The following NOTCH2NLC variants were observed in gnomAD, a reference collection of about 807,000 sequenced individuals.
The protein encoded by NOTCH2NLC is notch homolog 2 N-terminal-like protein C.
In NOTCH2NLC, 4 loss-of-function variants were observed where a neutral mutation model predicts 17.7. The observed-to-expected ratio is 0.23, with a 90% CI of 0.11 to 0.52. The LOEUF (loss-of-function observed/expected upper bound fraction) is 0.52. NOTCH2NLC is among the 20% of genes least tolerant of loss of function. NOTCH2NLC has a pLI of 0.96. For synonymous variants in NOTCH2NLC, 18 were observed against 86.0 expected, an observed-to-expected ratio of 0.21 and a Z score of 4.38; for missense variants, 57 against 207.2, an observed-to-expected ratio of 0.28 and a Z score of 4.45.
rs1370372154 is a variant in NOTCH2NLC at position 149,423,238 on chromosome 1, C to CT, written c.136-7696dup. 1.2e-4 allele frequency among the ~76,000 whole-genome samples: 18 copies of CT among 148,800 alleles called. 2 individuals are homozygous for CT. The highest frequency in any genetic ancestry group is 2.2e-4 in the Non-Finnish European group (15 of 67,018). ...AACAAAATCGATTTATCTCTTATTGCTTTTTTTTGGGTTTTTTTTTTCCTT... is the reference window on the plus strand; with the variant it reads ...AACAAAATCGATTTATCTCTTATTGCTTTTTTTTTGGGTTTTTTTTTTCCTT... On this transcript the variant is annotated intron_variant, in intron 1 of 4. Transcript: ENST00000650865.
At chr1:149,399,803 GTTAAGGAAAA>G (rs1168168711) in intron 1 of NOTCH2NLC, among the ~76,000 whole-genome samples, 1 of 143,526 alleles carries the variant, frequency 7.0e-6, no homozygotes, top group Non-Finnish European at 1.5e-5. Context: ...TTCTAAGAGA[GTTAAGGAAAA>G]TAGTTGTAAC....
rs1214116583 is a variant in NOTCH2NLC at position 149,433,510 on chromosome 1, T to C, written c.209+2495T>C. 6.7e-5 allele frequency among the ~76,000 whole-genome samples: 10 copies of C among 149,924 alleles called. No homozygotes were observed. In the East Asian group the frequency reaches 2.0e-3, roughly 30 times the overall value. ...TGGTAATACCATACAGAGAGGCAAA[T>C]TGGTTCTATTTGAAGATCATTCAAC... On this transcript the variant is annotated intron_variant, in intron 2 of 4. Coordinates refer to ENST00000650865, the MANE Select transcript of NOTCH2NLC (RefSeq NM_001364013.2).
At chr1:149,423,210 GAAAAC>G (rs2084387071) in intron 1 of NOTCH2NLC, among the ~76,000 whole-genome samples, 1 of 147,472 alleles carries the variant, frequency 6.8e-6, no homozygotes, top group Non-Finnish European at 1.5e-5. Flanking sequence ...ACACTATTAG[GAAAAC>G]AAAATCGATT....
At chr1:149,402,441 T>C in intron 1 of NOTCH2NLC, among the ~76,000 whole-genome samples, 1 of 133,010 alleles carries the variant, frequency 7.5e-6, no homozygotes. Context: ...TTATTATGTG[T>C]CTGTCATTCT....
At chr1:149,393,069 CAAAAAAAAA>C (rs1158506660) in intron 1 of NOTCH2NLC, among the ~76,000 whole-genome samples, 6 of 43,070 alleles carry the variant, frequency 1.4e-4, no homozygotes, top group East Asian at 4.3e-4. Context: ...GACTCCGTCT[CAAAAAAAAA>C]AAAAAAAAAA....
At chr1:149,460,608 A>T (rs2084638492) in intron 3 of NOTCH2NLC, among the ~76,000 whole-genome samples, 1 of 149,926 alleles carries the variant, frequency 6.7e-6, no homozygotes, top group African/African-American at 2.4e-5. Flanking sequence ...AAGTGCTGGG[A>T]TTACAGGTGT....
intron 1 of NOTCH2NLC, among the ~76,000 whole-genome samples, chr1:149,429,633 T>A (rs2084432716): frequency 6.6e-6 from 1 of 151,402 alleles, no homozygotes; most frequent in Non-Finnish European, 1.5e-5. Flanking sequence ...GGATGCATTT[T>A]CTGTAAACAT....
intron 2 of NOTCH2NLC, among the ~76,000 whole-genome samples, chr1:149,444,930 A>G (rs1451177625): frequency 6.7e-6 from 1 of 150,306 alleles, no homozygotes; most frequent in African/African-American, 2.5e-5. Context: ...TGAGTAAGCT[A>G]TAGTATTTCC....
chr1:149,437,869 T>C (rs1378130938), intron 2 of NOTCH2NLC, among the ~76,000 whole-genome samples: 1 of 146,674 alleles, frequency 6.8e-6, no homozygotes, highest in African/African-American at 2.5e-5. Flanking sequence ...CTAACATTAT[T>C]GCATATTAGG....
chr1:149,460,222 C>T (rs1180776552), intron 3 of NOTCH2NLC, among the ~76,000 whole-genome samples: 1 of 147,104 alleles, frequency 6.8e-6, no homozygotes, highest in Non-Finnish European at 1.5e-5. Context: ...TATTTTAATT[C>T]TGGCTAGTGG....
In NOTCH2NLC at chr1:149,414,445, T is replaced by C. The variant is rs1395281320; in HGVS notation, c.136-16497T>C. ...GTTTCTTTGCATTTTTCTGGCATAC[T>C]GTATACTCTTGAGCGCATATGTATC... On this transcript the variant is annotated intron_variant, in intron 1 of 4. Coordinates refer to ENST00000650865, the MANE Select transcript of NOTCH2NLC (RefSeq NM_001364013.2). Among the ~76,000 whole-genome samples, 34 of 150,494 alleles carry C rather than the reference T, an allele frequency of 2.3e-4. 3 individuals carry two copies. The highest frequency in any genetic ancestry group is 2.1e-4 in the Non-Finnish European group (14 of 67,358).
rs1201888921 is a variant in NOTCH2NLC, at chr1:149,467,854, C to CT, written c.*3709dup. 2 of 68,726 alleles carry CT rather than the reference C, an allele frequency of 2.9e-5. No individual in the cohort carries two copies. Among genetic ancestry groups the CT allele is most frequent in the Non-Finnish European group, 2.8e-5 (1 of 35,872 alleles). 4.3% of individuals were successfully genotyped at this position (68,726 alleles called of 1,614,324 possible). A position where few individuals can be genotyped will look rare whatever the true frequency, so the allele number is the denominator to read the frequency against. The stretch of plus-strand genomic sequence containing the variant: ...GATTGGACTGTCCTCAATGTACTTT[C>CT]TTTTTTTTCTTTCTTTCCCACATCT... On this transcript the variant is annotated 3_prime_UTR_variant, in exon 5 of 5. Transcript: ENST00000650865.
At chr1:149,460,223 T>C (rs1481769702) in intron 3 of NOTCH2NLC, among the ~76,000 whole-genome samples, 2 of 148,210 alleles carry the variant, frequency 1.3e-5, no homozygotes, top group Non-Finnish European at 3.0e-5. Context: ...ATTTTAATTC[T>C]GGCTAGTGGA....
chr1:149,413,132 T>G (rs2084309051), intron 1 of NOTCH2NLC, among the ~76,000 whole-genome samples: 1 of 150,544 alleles, frequency 6.6e-6, no homozygotes, highest in African/African-American at 2.4e-5. Flanking sequence ...GGTTTTGAAC[T>G]GCTGACCTCA....
At chr1:149,426,859 G>T (rs1157058341) in intron 1 of NOTCH2NLC, among the ~76,000 whole-genome samples, 14 of 150,492 alleles carry the variant, frequency 9.3e-5, no homozygotes, top group African/African-American at 3.2e-4. Flanking sequence ...TTGGAAAAAA[G>T]TAAATTGAAT....
chr1:149,454,684 C>T (rs1317219991), intron 2 of NOTCH2NLC, among the ~76,000 whole-genome samples: 1 of 151,118 alleles, frequency 6.6e-6, no homozygotes, highest in Non-Finnish European at 1.5e-5. Context: ...TTGAACTCTT[C>T]CCCATTCCTG....
intron 1 of NOTCH2NLC, among the ~76,000 whole-genome samples, chr1:149,407,219 G>A (rs1380374587): frequency 1.4e-5 from 2 of 147,382 alleles, no homozygotes; most frequent in East Asian, 2.0e-4. Flanking sequence ...TAAAATGTTA[G>A]AAGCAGTTGG....
At chr1:149,440,951 G>A (rs1187683553) in intron 2 of NOTCH2NLC, among the ~76,000 whole-genome samples, 14 of 149,646 alleles carry the variant, frequency 9.4e-5, no homozygotes, top group Admixed American at 7.3e-4. Context: ...GAGGACCTGG[G>A]GACAGGAAGA....
Position 149,430,259 on chromosome 1 carries a change from T to C in NOTCH2NLC, c.136-683T>C, listed in dbSNP as rs1293696494. ...AGAATTTTTGTTTTATCTGTATGTA[T>C]AAAATTGCCTTCTCCTTTTATTTCT... On this transcript the variant is annotated intron_variant, in intron 1 of 4. Coordinates refer to ENST00000650865, the MANE Select transcript of NOTCH2NLC (RefSeq NM_001364013.2). 9.7e-3 allele frequency among the ~76,000 whole-genome samples: 1,336 copies of C among 137,942 alleles called. 13 individuals are homozygous for C. Among genetic ancestry groups the C allele is most frequent in the South Asian group, 0.02 (82 of 4,026 alleles). 90.5% of individuals were successfully genotyped at this position (137,942 alleles called of 152,430 possible).
Sources: gnomAD v4.1 joint callset for allele counts (sites outside exome capture counted in the v4.1 genomes callset) on GRCh38, gnomAD v4.1.1 for gene constraint, MANE v1.5 for transcripts, NCBI Gene and HGNC (gene_info 2026-07-23, HGNC 2026-07-21) for gene names.